Variants in PDE4D observed in about 807,000 individuals in gnomAD.
PDE4D encodes 3',5'-cyclic-AMP phosphodiesterase 4D.
A neutral mutation model predicts 87.4 loss-of-function variants in PDE4D; 24 were observed. The ratio of observed to expected loss-of-function variants is 0.27; its 90% CI spans 0.20 to 0.39. PDE4D has a LOEUF of 0.39. Among genes scored for constraint, PDE4D ranks in the 10% least tolerant of loss-of-function variants. PDE4D has a pLI of 1.00. For missense variants in PDE4D, 714 were observed against 1,041.0 expected (o/e 0.69, Z 4.32); for synonymous variants, 384 against 383.2 (o/e 1.00, Z -0.02).
intron 1 of PDE4D, among the ~76,000 whole-genome samples, chr5:59,607,355 T>TATCAGGCTG (rs1243741840): frequency 6.6e-6 from 1 of 152,122 alleles, no homozygotes; most frequent in African/African-American, 2.4e-5. Context: ...TCCTATTTAT[T>TATCAGGCTG]ATCAGGCTGC....
rs1277892514 is a variant in PDE4D, at chr5:59,565,803, C to T, written c.455+327365G>A. Among the ~76,000 whole-genome samples, 5 of 152,220 alleles carry T rather than the reference C, an allele frequency of 3.3e-5. 1 individual carries two copies. Among genetic ancestry groups the T allele is most frequent in the Admixed American group, 3.3e-4 (5 of 15,288 alleles). ...TTTCTTCCTCCTGTCCTCTGCCACA[C>T]TGTCCTTCGTCACCCTCTGGGGCAC... On this transcript the variant is annotated intron_variant, in intron 1 of 14. Coordinates refer to ENST00000340635, the MANE Select transcript of PDE4D (RefSeq NM_001104631.2).
intron 1 of PDE4D, among the ~76,000 whole-genome samples, chr5:59,810,702 C>G (rs998498793): frequency 2.0e-5 from 3 of 152,192 alleles, no homozygotes; most frequent in Non-Finnish European, 4.4e-5. Context: ...CGCAGAAGCC[C>G]CGCCTATTTT....
At chr5:60,435,894 G>A (rs577480451) in intron 1 of PDE4D, among the ~76,000 whole-genome samples, 1 of 151,944 alleles carries the variant, frequency 6.6e-6, no homozygotes, top group African/African-American at 2.4e-5. Context: ...TTATTAAACA[G>A]AACAAAAAAG....
At chr5:59,250,803 T>C (rs950302430) in intron 1 of PDE4D, among the ~76,000 whole-genome samples, 1 of 152,052 alleles carries the variant, frequency 6.6e-6, no homozygotes, top group African/African-American at 2.4e-5. Flanking sequence ...ACAGTAACCA[T>C]AACAGCATGG....
chr5:59,297,422 G>T (rs544914939), intron 1 of PDE4D, among the ~76,000 whole-genome samples: 2 of 152,174 alleles, frequency 1.3e-5, no homozygotes, highest in Non-Finnish European at 2.9e-5. Context: ...GGTCCTTGTG[G>T]TAAATAAATA....
At chr5:59,318,082 G>A (rs1774079603) in intron 1 of PDE4D, among the ~76,000 whole-genome samples, 1 of 152,164 alleles carries the variant, frequency 6.6e-6, no homozygotes, top group Non-Finnish European at 1.5e-5. Context: ...ACAAGTGACA[G>A]AGAAAGGGAT....
At chr5:59,364,838 C>CACCTACCTTCCTTCCTTCCTTCCT (rs1472873743) in intron 1 of PDE4D, among the ~76,000 whole-genome samples, 2 of 151,956 alleles carry the variant, frequency 1.3e-5, no homozygotes, top group South Asian at 2.1e-4. Flanking sequence ...CTTGCCCACC[C>CACCTACCTTCCTTCCTTCCTTCCT]ACCTACCTTC....
intron 5 of PDE4D, among the ~76,000 whole-genome samples, chr5:59,115,729 T>C (rs1773490840): frequency 6.6e-6 from 1 of 152,140 alleles, no homozygotes; most frequent in African/African-American, 2.4e-5. Context: ...TTGTTATTAA[T>C]AATTGAGGTA....
At chr5:59,563,038 A>G (rs1394597100) in intron 1 of PDE4D, among the ~76,000 whole-genome samples, 2 of 152,220 alleles carry the variant, frequency 1.3e-5, no homozygotes, top group Non-Finnish European at 2.9e-5. Context: ...GCTAAAATGA[A>G]GAAAGGATGT....
intron 1 of PDE4D, among the ~76,000 whole-genome samples, chr5:59,309,526 C>T (rs1295984814): frequency 6.6e-6 from 1 of 152,168 alleles, no homozygotes; most frequent in East Asian, 1.9e-4. Flanking sequence ...AACAGACCTT[C>T]AGCTTCTCCA....
Position 59,534,532 on chromosome 5 carries a change from T to C in PDE4D, c.456-318564A>G, listed in dbSNP as rs141599908. On this transcript the variant is annotated intron_variant, in intron 1 of 14. Transcript: ENST00000340635. The stretch of plus-strand genomic sequence containing the variant: ...CTGTTTCAGCTGGGTCTCAGGTGAG[T>C]GTCCAGGGTATACAGAATGGGGTTG... 4.9e-3 allele frequency among the ~76,000 whole-genome samples: 750 copies of C among 152,168 alleles called. 5 individuals carry two copies. Among genetic ancestry groups the C allele is most frequent in the African/African-American group, 0.017 (689 of 41,500 alleles).
intron 2 of PDE4D, among the ~76,000 whole-genome samples, chr5:59,994,912 T>C (rs975415343): frequency 1.3e-5 from 2 of 152,228 alleles, no homozygotes; most frequent in Non-Finnish European, 2.9e-5. Context: ...CTACCTTTGA[T>C]GCTTGTGTCG....
At position 59,260,489 on chromosome 5, in the gene PDE4D, G is replaced by A. The variant is rs1031618013; in HGVS notation, c.456-44521C>T. Among the ~76,000 whole-genome samples, 5 of 151,688 alleles carry A rather than the reference G, an allele frequency of 3.3e-5. No individual in the cohort carries two copies. The South Asian group carries it at 1.0e-3, about 31-fold the overall frequency. ...TCTTTTATACACTTAACACACAAAT[G>A]GCATGAATTACGAAAGCAAATGTGT... On this transcript the variant is annotated intron_variant, in intron 1 of 14. Transcript: ENST00000340635.
intron 1 of PDE4D, among the ~76,000 whole-genome samples, chr5:59,560,440 T>C (rs1160077197): frequency 2.6e-5 from 4 of 152,222 alleles, no homozygotes; most frequent in Non-Finnish European, 5.9e-5. Context: ...CAAGTATGTA[T>C]TGAACTCCAA....
intron 1 of PDE4D, among the ~76,000 whole-genome samples, chr5:59,709,125 A>G (rs371148949): frequency 6.6e-6 from 1 of 152,100 alleles, no homozygotes; most frequent in East Asian, 1.9e-4. Flanking sequence ...AAGTAAAGGA[A>G]CTCGACTAAA....
At chr5:59,175,867 C>T (rs1048253029) in intron 5 of PDE4D, among the ~76,000 whole-genome samples, 1 of 147,914 alleles carries the variant, frequency 6.8e-6, no homozygotes, top group African/African-American at 2.5e-5. Flanking sequence ...TGAGCTCAAG[C>T]AGTCCTCCCA....
At chr5:59,400,591 G>T (rs487029) in intron 1 of PDE4D, among the ~76,000 whole-genome samples, 3 of 119,278 alleles carry the variant, frequency 2.5e-5, no homozygotes, top group African/African-American at 9.7e-5. Flanking sequence ...TGTGGGGTGG[G>T]GGGAGGGGGG....
At chr5:59,174,856 A>G (rs1292406668) in intron 5 of PDE4D, among the ~76,000 whole-genome samples, 2 of 152,156 alleles carry the variant, frequency 1.3e-5, no homozygotes, top group African/African-American at 4.8e-5. Flanking sequence ...ACTAGGTCTC[A>G]GTTTTTTCAT....
At position 59,678,281 on chromosome 5, in the gene PDE4D, A is replaced by G. The variant is rs564266311; in HGVS notation, c.455+214887T>C. On this transcript the variant is annotated intron_variant, in intron 1 of 14. Coordinates refer to ENST00000340635, the MANE Select transcript of PDE4D (RefSeq NM_001104631.2). The stretch of plus-strand genomic sequence containing the variant: ...ATTTCAAAATTTAATTAAGGTATAA[A>G]TAAATATAAATACAAGGAGATAAAG... Among the ~76,000 whole-genome samples the G allele has an allele frequency of 2.0e-5, 3 of 152,328 alleles. No homozygotes were observed. The South Asian group carries it at 6.2e-4, about 32-fold the overall frequency.
Sources: allele counts gnomAD v4.1 joint callset (sites outside exome capture counted in the v4.1 genomes callset), GRCh38; gene constraint gnomAD v4.1.1; transcripts MANE v1.5; gene names NCBI Gene and HGNC (gene_info 2026-07-23, HGNC 2026-07-21).